Variants in FAM185A observed in about 807,000 individuals in gnomAD.
FAM185A encodes the protein protein FAM185A.
Under a neutral mutation model 45.7 loss-of-function variants are expected in FAM185A, and 21 were observed. The ratio of observed to expected loss-of-function variants is 0.46; its 90% CI spans 0.33 to 0.66. The LOEUF (loss-of-function observed/expected upper bound fraction) is 0.66. Ranked by LOEUF, FAM185A falls within the 30% of genes least tolerant of loss-of-function variation. The pLI is 0.03. For synonymous variants in FAM185A, 117 were observed against 194.0 expected, an observed-to-expected ratio of 0.60 and a Z score of 3.30; for missense variants, 305 against 485.4, an observed-to-expected ratio of 0.63 and a Z score of 3.49.
chr7:102,850,392 C>T, the FAM185A span, among the ~76,000 whole-genome samples: 1 of 152,086 alleles, frequency 6.6e-6, no homozygotes, highest in East Asian at 1.9e-4. Flanking sequence ...TATGTCATCA[C>T]CATGGTAGGT....
intron 7 of FAM185A, among the ~76,000 whole-genome samples, chr7:102,799,462 A>G (rs1484475866): frequency 6.6e-6 from 1 of 152,390 alleles, no homozygotes; most frequent in East Asian, 1.9e-4. Context: ...AAAAGATCAG[A>G]TGGTACAAAG....
chr7:102,787,059 G>A (rs1365779266), intron 6 of FAM185A, among the ~76,000 whole-genome samples: 2 of 152,158 alleles, frequency 1.3e-5, no homozygotes, highest in Non-Finnish European at 2.9e-5. Flanking sequence ...TCACTTTCTG[G>A]TGTTGGATGA....
intron 6 of FAM185A, among the ~76,000 whole-genome samples, chr7:102,785,172 A>G (rs1184650026): frequency 6.6e-6 from 1 of 152,122 alleles, no homozygotes; most frequent in Non-Finnish European, 1.5e-5. Context: ...GCTCAATGAA[A>G]TAAAAGAGGA....
intron 2 of FAM185A, among the ~76,000 whole-genome samples, chr7:102,756,380 G>A (rs1258224802): frequency 4.6e-5 from 7 of 152,090 alleles, no homozygotes; most frequent in East Asian, 3.9e-4. Context: ...AGACTAGGCC[G>A]GGTGCAGTGG....
At chr7:102,771,020 A>T (rs1794712323) in intron 4 of FAM185A, among the ~76,000 whole-genome samples, 3 of 152,240 alleles carry the variant, frequency 2.0e-5, no homozygotes, top group Admixed American at 6.5e-5. Flanking sequence ...ATGGAATACT[A>T]TGCGGCCATA....
downstream of FAM185A, among the ~76,000 whole-genome samples, chr7:102,811,188 G>A (rs754559867): frequency 1.6e-4 from 25 of 152,086 alleles, no homozygotes; most frequent in Admixed American, 1.2e-3. Context: ...AGCCAGAAAA[G>A]TCATAAGCAT....
intron 4 of FAM185A, among the ~76,000 whole-genome samples, chr7:102,766,106 T>C (rs1209740688): frequency 6.6e-6 from 1 of 152,268 alleles, no homozygotes; most frequent in African/African-American, 2.4e-5. Context: ...AAAAACTTCC[T>C]TGAAATGGTT....
At chr7:102,801,879 G>A (rs185200332) in intron 7 of FAM185A, among the ~76,000 whole-genome samples, 15 of 150,806 alleles carry the variant, frequency 9.9e-5, no homozygotes, top group Admixed American at 5.3e-4. Context: ...CTGAGATCAC[G>A]CCATTGCACT....
chr7:102,834,691 A>G, the FAM185A span: 6 of 152,072 alleles, frequency 3.9e-5, no homozygotes, highest in Non-Finnish European at 7.4e-5. Flanking sequence ...AGATTTGTGA[A>G]ACATTCAATT....
chr7:102,808,227 T>C (rs961179880), intron 7 of FAM185A, 63 bp from the exon 8 acceptor site: 4 of 1,055,360 alleles, frequency 3.8e-6, no homozygotes, highest in African/African-American at 1.6e-5. Flanking sequence ...CAGAGATGTG[T>C]TGCTAGGATC....
the FAM185A span, chr7:102,833,069 G>C: frequency 7.5e-7 from 1 of 1,328,006 alleles, no homozygotes; most frequent in Non-Finnish European, 1.0e-6. Context: ...TTCAGTCCCT[G>C]AAATACAGAT....
intron 7 of FAM185A, 109 bp from the exon 8 acceptor site, chr7:102,808,181 C>T: frequency 1.3e-6 from 1 of 748,296 alleles, no homozygotes; most frequent in Non-Finnish European, 2.2e-6. Context: ...ACTATCTTTA[C>T]CAAGATTCTT....
chr7:102,783,808 G>T (rs1795578280), intron 6 of FAM185A, among the ~76,000 whole-genome samples: 1 of 152,116 alleles, frequency 6.6e-6, no homozygotes, highest in African/African-American at 2.4e-5. Context: ...TCAAAAACTA[G>T]CAGAAGGCAA....
At chr7:102,815,419 A>G in the FAM185A span, among the ~76,000 whole-genome samples, 1 of 152,186 alleles carries the variant, frequency 6.6e-6, no homozygotes, top group African/African-American at 2.4e-5. Flanking sequence ...AGCAGCTTAC[A>G]CCAAGAAGGG....
At chr7:102,828,508 A>C in the FAM185A span, among the ~76,000 whole-genome samples, 1 of 152,220 alleles carries the variant, frequency 6.6e-6, no homozygotes, top group Non-Finnish European at 1.5e-5. Context: ...GAATCCCAGA[A>C]TTAGCAAATC....
chr7:102,800,845 G>A (rs971830722), intron 7 of FAM185A, among the ~76,000 whole-genome samples: 2 of 152,196 alleles, frequency 1.3e-5, no homozygotes, highest in African/African-American at 4.8e-5. Flanking sequence ...CCCTGGCCTT[G>A]CTAGAGACCT....
intron 5 of FAM185A, among the ~76,000 whole-genome samples, chr7:102,774,389 T>C (rs1794931971): frequency 6.6e-6 from 1 of 152,032 alleles, no homozygotes; most frequent in African/African-American, 2.4e-5. Context: ...AATAGAGTTT[T>C]ACCTCTTTCC....
chr7:102,818,578 T>A, the FAM185A span, among the ~76,000 whole-genome samples: 1 of 152,170 alleles, frequency 6.6e-6, no homozygotes, highest in Admixed American at 6.5e-5. Context: ...TTTTATTTTT[T>A]ATCAACACAG....
the FAM185A span, among the ~76,000 whole-genome samples, chr7:102,842,474 G>A: frequency 6.6e-6 from 1 of 152,218 alleles, no homozygotes; most frequent in Admixed American, 6.5e-5. Flanking sequence ...CCAGGGGGTG[G>A]AGTCTATCAA....
Sources: gnomAD v4.1 joint callset for allele counts (sites outside exome capture counted in the v4.1 genomes callset) on GRCh38, gnomAD v4.1.1 for gene constraint, MANE v1.5 for transcripts, NCBI Gene and HGNC (gene_info 2026-07-23, HGNC 2026-07-21) for gene names.